The following MRPS6 variants were observed in gnomAD, a reference collection of about 807,000 sequenced individuals.
The protein encoded by MRPS6 is mitochondrial ribosomal protein S6.
In MRPS6, 6 loss-of-function variants were observed where a neutral mutation model predicts 13.1. That is an observed-to-expected ratio of 0.46 (90% CI 0.25 to 0.91). The LOEUF (loss-of-function observed/expected upper bound fraction) is 0.91, where lower values mean the gene tolerates loss of function less well. Among genes scored for constraint, MRPS6 ranks in the 40% least tolerant of loss-of-function variants. The pLI, the probability that MRPS6 is intolerant of heterozygous loss-of-function variation, is 0.18. For missense variants in MRPS6, 164 were observed against 155.6 expected, an observed-to-expected ratio of 1.05 and a Z score of -0.29; for synonymous variants, 61 against 56.5, an observed-to-expected ratio of 1.08 and a Z score of -0.36.
rs1046170970 is a variant in MRPS6 at position 34,125,156 on chromosome 21, A to G, written c.46-185A>G. 34 of 937,720 alleles carry G rather than the reference A, an allele frequency of 3.6e-5. No homozygotes were observed. The African/African-American group carries it at 4.7e-4, about 13-fold the overall frequency. 58.1% of individuals were successfully genotyped at this position (937,720 alleles called of 1,614,324 possible). A position where few individuals can be genotyped will look rare whatever the true frequency, so the allele number is the denominator to read the frequency against. On this transcript the variant is annotated intron_variant, in intron 1 of 2. Coordinates refer to ENST00000399312, the MANE Select transcript of MRPS6 (RefSeq NM_032476.4). ...TCCTCGTATCTGTGAGCTATCTCAT[A>G]TCCTTACAATAAATTCTCTCTCTCT...
rs1299687435 is a variant in MRPS6 at position 34,073,578 on chromosome 21, G to A, written c.-123G>A. ...GCCCGGGCTCGCGCTCTCGGACCGT[G>A]CTTTCGCCGCCTGGGAGCCGTCCGG... On this transcript the variant is annotated 5_prime_UTR_variant, in exon 1 of 3. Coordinates refer to ENST00000399312, the MANE Select transcript of MRPS6 (RefSeq NM_032476.4). The A allele has an allele frequency of 3.8e-6, 3 of 789,928 alleles. No individual in the cohort carries two copies. The highest frequency in any genetic ancestry group is 5.8e-6 in the Non-Finnish European group (3 of 515,200). 48.9% of individuals were successfully genotyped at this position (789,928 alleles called of 1,614,324 possible).
chr21:34,110,151 T>A (rs1391024099), intron 1 of MRPS6, among the ~76,000 whole-genome samples: 33 of 152,190 alleles, frequency 2.2e-4, no homozygotes, highest in Admixed American at 2.2e-3. Context: ...ATTGTTCACA[T>A]TTCAAAGGGG....
chr21:34,129,789 C>A (rs1980437438), intron 2 of MRPS6, among the ~76,000 whole-genome samples: 1 of 152,192 alleles, frequency 6.6e-6, no homozygotes, highest in Non-Finnish European at 1.5e-5. Flanking sequence ...TGTGTAGGTA[C>A]TCCACACCAG....
chr21:34,073,605 G>C lies in MRPS6; in HGVS notation c.-96G>C, dbSNP rs533723330. ...TTTCGCCGCCTGGGAGCCGTCCGGCGCAGCAGTTTCTAGGTCCCCACTGTC... is the reference window on the plus strand; with the variant it reads ...TTTCGCCGCCTGGGAGCCGTCCGGCCCAGCAGTTTCTAGGTCCCCACTGTC... On this transcript the variant is annotated 5_prime_UTR_variant, in exon 1 of 3. Coordinates refer to ENST00000399312, the MANE Select transcript of MRPS6 (RefSeq NM_032476.4). 1 of 1,099,182 alleles carries C rather than the reference G, an allele frequency of 9.1e-7. No homozygotes were observed. Among genetic ancestry groups the C allele is most frequent in the South Asian group, 1.4e-5 (1 of 72,720 alleles). The allele number at this position is 1,099,182 out of a possible 1,614,324, so 68.1% of individuals were successfully genotyped here.
intron 1 of MRPS6, chr21:34,122,356 C>T (rs934191222): frequency 1.3e-5 from 2 of 152,162 alleles, no homozygotes; most frequent in Non-Finnish European, 1.5e-5. Flanking sequence ...ATTTTTGCTC[C>T]TCCTTCCACC....
intron 2 of MRPS6, among the ~76,000 whole-genome samples, chr21:34,130,000 G>A (rs1012648565): frequency 2.6e-5 from 4 of 152,248 alleles, no homozygotes; most frequent in African/African-American, 9.6e-5. Flanking sequence ...GGTGAAGCCT[G>A]AATGCAACAA....
intron 1 of MRPS6, chr21:34,104,009 T>C (rs1295763811): frequency 6.0e-6 from 6 of 1,000,034 alleles, no homozygotes; most frequent in Non-Finnish European, 6.0e-6. Flanking sequence ...TTAGGAAATA[T>C]TACCTCTTAA....
At chr21:34,121,357 G>A (rs1003742323) in intron 1 of MRPS6, among the ~76,000 whole-genome samples, 2 of 152,140 alleles carry the variant, frequency 1.3e-5, no homozygotes, top group African/African-American at 4.8e-5. Context: ...TAGCAGATGA[G>A]GAAACTGAGG....
chr21:34,093,687 T>A (rs1892659), intron 1 of MRPS6, among the ~76,000 whole-genome samples: 152,364 of 152,364 alleles, frequency 1, 76,182 homozygotes, highest in Non-Finnish European at 1. Flanking sequence ...TTGAATAAAA[T>A]TGTTGTTCGT....
At chr21:34,081,610 C>T (rs1312795289) in intron 1 of MRPS6, among the ~76,000 whole-genome samples, 2 of 152,116 alleles carry the variant, frequency 1.3e-5, no homozygotes, top group Non-Finnish European at 2.9e-5. Context: ...TGGATTGTAG[C>T]ACCTACTTCC....
At chr21:34,088,870 ATTT>A (rs549629019) in intron 1 of MRPS6, among the ~76,000 whole-genome samples, 2 of 145,456 alleles carry the variant, frequency 1.4e-5, no homozygotes, top group South Asian at 2.2e-4. Context: ...TTAGTGTAAG[ATTT>A]TTTTTTTTTT....
Position 34,096,731 on chromosome 21 carries a change from T to C in MRPS6, c.45+22986T>C, listed in dbSNP as rs1978980143. On this transcript the variant is annotated intron_variant, in intron 1 of 2. Transcript: ENST00000399312. The surrounding 1 kb of genome is among the most constrained non-coding windows in gnomAD (Gnocchi z 5.9). ...CGGGCTTCATCAAAGACATCCATTA[T>C]ATGTATGTGGCCACAGGATTGTTTT... The C allele has an allele frequency of 6.2e-7, 1 of 1,614,088 alleles. No individual in the cohort carries two copies. Among genetic ancestry groups the C allele is most frequent in the Non-Finnish European group, 8.5e-7 (1 of 1,179,976 alleles).
chr21:34,091,005 C>T (rs1194920457), intron 1 of MRPS6, among the ~76,000 whole-genome samples: 1 of 125,616 alleles, frequency 8.0e-6, no homozygotes, highest in Non-Finnish European at 1.7e-5. Context: ...GTAGGTTACA[C>T]AAAAGTGATT....
At chr21:34,075,816 A>G (rs1437047658) in intron 1 of MRPS6, among the ~76,000 whole-genome samples, 1 of 152,244 alleles carries the variant, frequency 6.6e-6, no homozygotes, top group East Asian at 1.9e-4. Context: ...AGTTTAGGAA[A>G]ATAGGATTCT....
intron 1 of MRPS6, chr21:34,101,436 T>C: frequency 1.0e-6 from 1 of 1,000,194 alleles, no homozygotes; most frequent in Non-Finnish European, 1.2e-6. Flanking sequence ...AGATTTTGCA[T>C]TAGCCAGATG....
At chr21:34,101,377 C>T (rs1447632514) in intron 1 of MRPS6, 15 of 999,962 alleles carry the variant, frequency 1.5e-5, no homozygotes, top group African/African-American at 1.7e-5. Context: ...TTTGTTACCA[C>T]AGTAGAGATA....
chr21:34,116,736 G>A (rs1202825699), intron 1 of MRPS6, among the ~76,000 whole-genome samples: 2 of 152,156 alleles, frequency 1.3e-5, no homozygotes, highest in African/African-American at 2.4e-5. Flanking sequence ...ATTCAGTGCC[G>A]GCACAATGCT....
Position 34,096,893 on chromosome 21 carries a change from C to T in MRPS6, c.45+23148C>T. ...ACTGCTCCCCAAAAGAGGAACCATA[C>T]AAAATGCAAGAAAAGAGCATTCTGA... is the stretch of plus-strand genomic sequence containing the variant. On this transcript the variant is annotated intron_variant, in intron 1 of 2. Coordinates refer to ENST00000399312, the MANE Select transcript of MRPS6 (RefSeq NM_032476.4). This position sits in a 1 kb window ranked among gnomAD's most constrained non-coding sequence, Gnocchi z 5.9. The T allele has an allele frequency of 1.9e-6, 3 of 1,614,060 alleles. No individual in the cohort carries two copies. Among genetic ancestry groups the T allele is most frequent in the Non-Finnish European group, 2.5e-6 (3 of 1,179,970 alleles).
chr21:34,106,878 C>A (rs532615637), intron 1 of MRPS6, among the ~76,000 whole-genome samples: 1 of 152,112 alleles, frequency 6.6e-6, no homozygotes, highest in Non-Finnish European at 1.5e-5. Context: ...ATGTCTTTTG[C>A]CCCCTTTAAT....
Sources: gnomAD v4.1 joint callset for allele counts (sites outside exome capture counted in the v4.1 genomes callset) on GRCh38, gnomAD v4.1.1 for gene constraint, Gnocchi (gnomAD v3.1) non-coding constraint, MANE v1.5 for transcripts, NCBI Gene and HGNC (gene_info 2026-07-23, HGNC 2026-07-21) for gene names.